GSTA5: variants seen among roughly 807,000 people sequenced by gnomAD.
GSTA5 encodes the protein glutathione S-transferase A5.
Under a neutral mutation model 21.8 loss-of-function variants are expected in GSTA5, and 25 were observed. The ratio of observed to expected loss-of-function variants is 1.14; its 90% CI spans 0.83 to 1.60. The LOEUF (loss-of-function observed/expected upper bound fraction) is 1.60, where lower values mean the gene tolerates loss of function less well. Among genes scored for constraint, GSTA5 ranks in the 40% most tolerant of loss-of-function variants. The pLI is 0.00. For missense variants in GSTA5, 330 were observed against 259.2 expected (o/e 1.27, Z -1.88); for synonymous variants, 102 against 89.5 (o/e 1.14, Z -0.78).
intron 2 of GSTA5, 34 bp downstream of exon 2, chr6:52,837,524 A>ACC: frequency 7.1e-7 from 1 of 1,409,268 alleles, no homozygotes; most frequent in Non-Finnish European, 1.0e-6. Context: ...TCTACTAGAA[A>ACC]CTCTCATCAG....
chr6:52,832,835 T>C, intron 5 of GSTA5, 24 bp downstream of exon 5: 3 of 1,613,542 alleles, frequency 1.9e-6, no homozygotes, highest in South Asian at 1.1e-5. Flanking sequence ...TGGGGCTGTC[T>C]CTCTGGGCTG....
intron 5 of GSTA5, 68 bp from the exon 6 acceptor site, chr6:52,832,038 G>A (rs1056489820): frequency 1.3e-4 from 209 of 1,553,492 alleles, no homozygotes; most frequent in Admixed American, 1.5e-4. Context: ...ATGACCCAGG[G>A]AATGTGAGCC....
At chr6:52,839,870 C>A (rs755050471) in intron 1 of GSTA5, among the ~76,000 whole-genome samples, 2 of 152,246 alleles carry the variant, frequency 1.3e-5, no homozygotes, top group East Asian at 1.9e-4. Flanking sequence ...GAAGCCTCCA[C>A]GCCTCATTTT....
chr6:52,832,049 C>G, intron 5 of GSTA5, 79 bp from the exon 6 acceptor site: 1 of 1,542,700 alleles, frequency 6.5e-7, no homozygotes, highest in African/African-American at 1.4e-5. Flanking sequence ...AATGTGAGCC[C>G]CTCATGCCAA....
upstream of GSTA5, among the ~76,000 whole-genome samples, chr6:52,845,027 T>G (rs1435906517): frequency 2.0e-5 from 3 of 151,936 alleles, no homozygotes; most frequent in African/African-American, 7.2e-5. Flanking sequence ...TCTATCCATA[T>G]CTCTAGATCT....
Position 52,840,771 on chromosome 6 carries a change from T to C in GSTA5, c.43A>G (p.Ser15Gly), listed in dbSNP as rs201823448. 5 of 1,614,164 alleles carry C rather than the reference T, an allele frequency of 3.1e-6. No individual in the cohort carries two copies. In the South Asian group the frequency reaches 5.5e-5, roughly 18 times the overall value. The change falls in exon 1 of 6, where the codon AGT (serine) becomes GGT (glycine). Residue 15 changes from serine to glycine, a missense_variant. Transcript: ENST00000370989. ...AGGAGCCACCGAATGGACTCCATAC[T>C]GCCCCGTGCATTGGAGTAGTGGAGC... is the stretch of plus-strand genomic sequence containing the variant.
chr6:52,840,365 A>G (rs1021459036), intron 1 of GSTA5, among the ~76,000 whole-genome samples: 2 of 152,236 alleles, frequency 1.3e-5, no homozygotes, highest in East Asian at 1.9e-4. Flanking sequence ...TGTTCTAAAG[A>G]TAACCATAGT....
intron 1 of GSTA5, among the ~76,000 whole-genome samples, chr6:52,837,879 G>A (rs1764315568): frequency 6.6e-6 from 1 of 152,122 alleles, no homozygotes; most frequent in Admixed American, 6.5e-5. Flanking sequence ...TTTTGAGAGG[G>A]GACATCACTG....
intron 4 of GSTA5, 40 bp from the exon 5 acceptor site, chr6:52,833,030 C>T (rs1764239986): frequency 6.2e-7 from 1 of 1,612,128 alleles, no homozygotes; most frequent in Non-Finnish European, 8.5e-7. Flanking sequence ...CACATGCACA[C>T]CCAGGCTGGG....
chr6:52,844,023 G>T (rs1163017376), upstream of GSTA5, among the ~76,000 whole-genome samples: 4 of 4,588 alleles, frequency 8.7e-4, no homozygotes, highest in Admixed American at 0.013. Context: ...TCAAGGATTT[G>T]CCATGGGTCA....
chr6:52,837,650 C>G (rs1032355597), intron 1 of GSTA5, 41 bp from the exon 2 acceptor site: 1 of 1,396,166 alleles, frequency 7.2e-7, no homozygotes, highest in Non-Finnish European at 1.0e-6. Flanking sequence ...TTAGTTAATT[C>G]TATTATAGAC....
At chr6:52,838,760 T>C (rs1329801596) in intron 1 of GSTA5, among the ~76,000 whole-genome samples, 2 of 152,268 alleles carry the variant, frequency 1.3e-5, no homozygotes, top group Non-Finnish European at 2.9e-5. Context: ...GGTTCCAATC[T>C]TGACTCTGCC....
At chr6:52,844,869 AT>A (rs1764432155), upstream of GSTA5, among the ~76,000 whole-genome samples, 1 of 152,196 alleles carries the variant, frequency 6.6e-6, no homozygotes. Flanking sequence ...CTATCTATCC[AT>A]TAATTATTTT....
At chr6:52,836,047 T>C (rs1439985842) in intron 3 of GSTA5, among the ~76,000 whole-genome samples, 189 bp downstream of exon 3, 1 of 152,162 alleles carries the variant, frequency 6.6e-6, no homozygotes, top group East Asian at 1.9e-4. Flanking sequence ...GAATCACCCT[T>C]GCCTGAACCC....
intron 5 of GSTA5, 120 bp downstream of exon 5, chr6:52,832,738 CT>C (rs1764234005): frequency 6.6e-6 from 10 of 1,513,440 alleles, no homozygotes; most frequent in Admixed American, 5.1e-5. Context: ...TTTTGGAGAC[CT>C]TGGGGGCACT....
At chr6:52,838,907 C>A (rs1472199695) in intron 1 of GSTA5, among the ~76,000 whole-genome samples, 1 of 152,166 alleles carries the variant, frequency 6.6e-6, no homozygotes, top group Admixed American at 6.5e-5. Context: ...GGGCCTGACC[C>A]ACATACATCA....
At chr6:52,840,968 T>C (rs549777738), upstream of GSTA5, 491 of 646,346 alleles carry the variant, frequency 7.6e-4, no homozygotes, top group Non-Finnish European at 1.1e-3. Context: ...AAGGAGTTCC[T>C]GGAATGTTTT....
chr6:52,843,902 G>A (rs1217029553), upstream of GSTA5, among the ~76,000 whole-genome samples: 1 of 152,164 alleles, frequency 6.6e-6, no homozygotes, highest in East Asian at 1.9e-4. Flanking sequence ...CACTCCTGCT[G>A]ATAACTAACA....
chr6:52,834,839 C>T (rs572133503), intron 3 of GSTA5, among the ~76,000 whole-genome samples: 13 of 152,280 alleles, frequency 8.5e-5, no homozygotes, highest in Non-Finnish European at 1.9e-4. Context: ...ATTTCCACAG[C>T]CCTCTCCATG....
Sources: allele counts gnomAD v4.1 joint callset (sites outside exome capture counted in the v4.1 genomes callset), GRCh38; gene constraint gnomAD v4.1.1; transcripts MANE v1.5; gene names NCBI Gene and HGNC (gene_info 2026-07-23, HGNC 2026-07-21).